Variants in TNR observed in about 807,000 individuals in gnomAD.
The protein encoded by TNR is tenascin R, also known as tenascin-R.
In TNR, 45 loss-of-function variants were observed where a neutral mutation model predicts 150.4. That is an observed-to-expected ratio of 0.30 (90% CI 0.24 to 0.38). The LOEUF (loss-of-function observed/expected upper bound fraction) is 0.38. TNR is among the 10% of genes least tolerant of loss of function. TNR has a pLI of 1.00. For synonymous variants in TNR, 687 were observed against 678.4 expected (o/e 1.01, Z -0.20); for missense variants, 1,544 against 1,759.1 (o/e 0.88, Z 2.19).
chr1:175,335,756 C>T lies in TNR; in HGVS notation c.3586G>A (p.Asp1196Asn). The change falls in exon 20 of 23, where the codon GAT becomes AAT. Residue 1196 changes from aspartate to asparagine, a missense_variant. By Grantham distance (23) the Asp-to-Asn change is conservative (BLOSUM62 1). Coordinates refer to ENST00000367674, the MANE Select transcript of TNR (RefSeq NM_003285.3). ...ACGTTCCCGAAGCCAACACGGTAAT[C>T]AGCCCATTTCCGGAAAAAATCAGTT... is the stretch of plus-strand genomic sequence containing the variant. ...GQTDFFRKWA[D>N]YRVGFGNVED... is the part of the protein sequence containing the mutation. 1.2e-6 allele frequency: 2 copies of T among 1,614,140 alleles called. No individual in the cohort carries two copies. The highest frequency in any genetic ancestry group is 1.7e-6 in the Non-Finnish European group (2 of 1,180,016).
At chr1:175,387,807 AC>A (rs1653003271) in intron 7 of TNR, among the ~76,000 whole-genome samples, 1 of 152,266 alleles carries the variant, frequency 6.6e-6, no homozygotes. Context: ...TCTTAGGCTG[AC>A]CTTGAGGCTT....
At chr1:175,633,352 G>C (rs1269456565) in intron 1 of TNR, among the ~76,000 whole-genome samples, 1 of 151,768 alleles carries the variant, frequency 6.6e-6, no homozygotes, top group African/African-American at 2.4e-5. Flanking sequence ...GGTATGGCTG[G>C]CCCCCTTTGA....
chr1:175,728,276 C>T (rs1313292281), intron 1 of TNR, among the ~76,000 whole-genome samples: 2 of 152,152 alleles, frequency 1.3e-5, no homozygotes, highest in Non-Finnish European at 2.9e-5. Flanking sequence ...AGTTGGAATA[C>T]TAGAGCCAGA....
chr1:175,658,302 G>A (rs1555561), intron 1 of TNR, among the ~76,000 whole-genome samples: 4 of 151,852 alleles, frequency 2.6e-5, no homozygotes, highest in African/African-American at 9.7e-5. Flanking sequence ...GAGGCATGGG[G>A]CAGTTAAGCA....
intron 1 of TNR, among the ~76,000 whole-genome samples, chr1:175,702,446 G>A (rs188122114): frequency 6.6e-6 from 1 of 152,330 alleles, no homozygotes; most frequent in African/African-American, 2.4e-5. Flanking sequence ...CAGACCCACA[G>A]ACAGGAAGAA....
chr1:175,595,780 C>A (rs1355725890), intron 1 of TNR, among the ~76,000 whole-genome samples: 1 of 152,176 alleles, frequency 6.6e-6, no homozygotes, highest in Admixed American at 6.5e-5. Flanking sequence ...AAAATGAGAA[C>A]CAGCAATAAT....
At chr1:175,444,558 C>A (rs920249582) in intron 2 of TNR, among the ~76,000 whole-genome samples, 3 of 152,176 alleles carry the variant, frequency 2.0e-5, no homozygotes, top group Non-Finnish European at 4.4e-5. Context: ...ACACCACATC[C>A]CAGAATTAAC....
chr1:175,561,541 G>A (rs1349944721), intron 1 of TNR, among the ~76,000 whole-genome samples: 1 of 152,164 alleles, frequency 6.6e-6, no homozygotes, highest in Non-Finnish European at 1.5e-5. Context: ...GCCTCCTTGA[G>A]CTCTTTGGCC....
chr1:175,436,330 T>C (rs1240156569), intron 2 of TNR, among the ~76,000 whole-genome samples: 38 of 152,174 alleles, frequency 2.5e-4, no homozygotes, highest in African/African-American at 8.7e-4. Context: ...GGAGGCTTTG[T>C]TTGTTTCTCT....
chr1:175,333,371 A>C (rs1242680452), intron 20 of TNR: 1 of 152,196 alleles, frequency 6.6e-6, no homozygotes, highest in Non-Finnish European at 1.5e-5. Flanking sequence ...CAGCTTTGGG[A>C]AACGTGAGTC....
At chr1:175,362,885 A>T (rs1009163239) in intron 13 of TNR, 76 bp from the exon 14 acceptor site, 13 of 1,571,772 alleles carry the variant, frequency 8.3e-6, no homozygotes, top group Non-Finnish European at 1.1e-5. Context: ...GTCTATGTCA[A>T]TAAAGCACAG....
intron 2 of TNR, among the ~76,000 whole-genome samples, chr1:175,497,638 C>A (rs1432061748): frequency 2.6e-5 from 4 of 152,194 alleles, no homozygotes; most frequent in Non-Finnish European, 4.4e-5. Context: ...CTTCCCCCTT[C>A]ATGCAAGAAA....
chr1:175,513,741 A>AT (rs1281264199), intron 2 of TNR, among the ~76,000 whole-genome samples: 1 of 152,116 alleles, frequency 6.6e-6, no homozygotes, highest in Non-Finnish European at 1.5e-5. Flanking sequence ...CCCCTTCCTT[A>AT]TTACGTGTTT....
chr1:175,464,677 C>T (rs1656955217), intron 2 of TNR, among the ~76,000 whole-genome samples: 1 of 152,196 alleles, frequency 6.6e-6, no homozygotes, highest in South Asian at 2.1e-4. Context: ...AGGTCATTTT[C>T]TAGAGCAGAA....
chr1:175,400,961 C>T (rs1244650522), intron 4 of TNR, among the ~76,000 whole-genome samples: 1 of 152,174 alleles, frequency 6.6e-6, no homozygotes, highest in East Asian at 1.9e-4. Flanking sequence ...AGTGGTGGCT[C>T]TAGGGTTGCT....
intron 1 of TNR, among the ~76,000 whole-genome samples, chr1:175,657,883 A>ATATATGTGTGTG (rs1464419575): frequency 9.9e-6 from 1 of 101,132 alleles, no homozygotes; most frequent in Non-Finnish European, 2.1e-5. Flanking sequence ...ATATATATAT[A>ATATATGTGTGTG]TGTAACAAAC....
rs1267664130 is a variant in TNR, at chr1:175,315,504, A to G, written c.*7853T>C. The G allele has an allele frequency of 6.6e-6, 1 of 151,920 alleles. No individual in the cohort carries two copies. The highest frequency in any genetic ancestry group is 2.4e-5 in the African/African-American group (1 of 41,330). The allele number at this position is 151,920 out of a possible 1,614,324, so 9.4% of individuals were successfully genotyped here. A position where few individuals can be genotyped will look rare whatever the true frequency, so the allele number is the denominator to read the frequency against. On this transcript the variant is annotated 3_prime_UTR_variant, in exon 23 of 23. Transcript: ENST00000367674. ...GCGCTTTTTCAAGCTCATTGTAGCT[A>G]CAAAGTCAATAAATTGGTCTTTGTT... is the stretch of plus-strand genomic sequence containing the variant.
In TNR at chr1:175,379,707, C is replaced by T. The variant is rs937232249; in HGVS notation, c.1808G>A (p.Gly603Asp). The change falls in exon 9 of 23, where the codon GGT (glycine) becomes GAT (aspartate). Residue 603 changes from glycine (G) to aspartate (D), a missense_variant. By Grantham distance (94) the Gly-to-Asp change is moderately conservative (BLOSUM62 -1). This residue lies in a region of TNR where 1,254 missense variants were observed against 1,329.4 expected (regional missense o/e 0.94). Coordinates refer to ENST00000367674, the MANE Select transcript of TNR (RefSeq NM_003285.3). ...EIDAPKNLRV[G>D]SRTATSLDLE... ...GTCAAGGCTGGTTGCTGTGCGAGAA[C>T]CAACTCGCAAGTTCTTGGGGGCATC... 2 of 1,614,178 alleles carry T rather than the reference C, an allele frequency of 1.2e-6. No homozygotes were observed. Among genetic ancestry groups the T allele is most frequent in the Non-Finnish European group, 1.7e-6 (2 of 1,180,018 alleles).
chr1:175,571,429 A>T (rs1293915388), intron 1 of TNR, among the ~76,000 whole-genome samples: 1 of 152,198 alleles, frequency 6.6e-6, no homozygotes, highest in Non-Finnish European at 1.5e-5. Flanking sequence ...TACTATCTCC[A>T]TGTTACAGAT....
Sources: allele counts gnomAD v4.1 joint callset (sites outside exome capture counted in the v4.1 genomes callset), GRCh38; gene constraint gnomAD v4.1.1; regional missense constraint gnomAD v4.1.1; transcripts MANE v1.5; gene names NCBI Gene and HGNC (gene_info 2026-07-23, HGNC 2026-07-21).